Variants in KIF21A observed in about 807,000 individuals in gnomAD.
KIF21A encodes kinesin-like protein KIF21A.
KIF21A carries 114 observed loss-of-function variants against 202.9 expected under a neutral mutation model. The observed-to-expected ratio is 0.56, with a 90% CI of 0.48 to 0.66. The LOEUF (loss-of-function observed/expected upper bound fraction) is 0.66, where lower values mean the gene tolerates loss of function less well. Ranked by LOEUF, KIF21A falls within the 30% of genes least tolerant of loss-of-function variation. The pLI is 0.00. For missense variants in KIF21A, 1,677 were observed against 1,994.9 expected, an observed-to-expected ratio of 0.84 and a Z score of 3.04; for synonymous variants, 667 against 670.8, an observed-to-expected ratio of 0.99 and a Z score of 0.09.
At chr12:39,423,173 G>A (rs1009154518) in intron 1 of KIF21A, among the ~76,000 whole-genome samples, 6 of 152,128 alleles carry the variant, frequency 3.9e-5, no homozygotes, top group African/African-American at 1.2e-4. Flanking sequence ...AACTTAACCT[G>A]CTCATCCCCT....
At chr12:39,305,469 A>C (rs1258327441) in intron 34 of KIF21A, among the ~76,000 whole-genome samples, 1 of 151,684 alleles carries the variant, frequency 6.6e-6, no homozygotes, top group Non-Finnish European at 1.5e-5. Context: ...CTGCAGTCTC[A>C]ATCTCCTGGC....
At chr12:39,415,387 C>T (rs1953486515) in intron 1 of KIF21A, among the ~76,000 whole-genome samples, 1 of 151,626 alleles carries the variant, frequency 6.6e-6, no homozygotes, top group Non-Finnish European at 1.5e-5. Context: ...CTACAGGCGC[C>T]CGCCACCACG....
At chr12:39,301,899 A>T (rs974233825) in intron 36 of KIF21A, among the ~76,000 whole-genome samples, 5 of 152,240 alleles carry the variant, frequency 3.3e-5, no homozygotes, top group Admixed American at 2.6e-4. Context: ...TTATCAGCAT[A>T]TAAGGGCTAT....
At chr12:39,314,524 T>A (rs1761826585) in intron 31 of KIF21A, among the ~76,000 whole-genome samples, 1 of 151,856 alleles carries the variant, frequency 6.6e-6, no homozygotes. Flanking sequence ...TATATGTATA[T>A]ATAGGTCAAA....
intron 1 of KIF21A, among the ~76,000 whole-genome samples, chr12:39,416,631 GTA>G (rs796156140): frequency 0.012 from 1,353 of 114,908 alleles, 101 homozygotes; most frequent in African/African-American, 0.036. Flanking sequence ...ATATATATGT[GTA>G]TATATATATA....
At chr12:39,373,098 A>G (rs1950062955) in intron 1 of KIF21A, among the ~76,000 whole-genome samples, 1 of 152,176 alleles carries the variant, frequency 6.6e-6, no homozygotes. Flanking sequence ...TGTTCCACAC[A>G]CTGTAATATG....
At chr12:39,395,167 C>T (rs1358850781) in intron 1 of KIF21A, among the ~76,000 whole-genome samples, 2 of 152,202 alleles carry the variant, frequency 1.3e-5, no homozygotes, top group African/African-American at 4.8e-5. Flanking sequence ...AACTGCTTTC[C>T]ATAAACCTGC....
intron 11 of KIF21A, among the ~76,000 whole-genome samples, chr12:39,348,356 T>C (rs1429265540): frequency 2.0e-5 from 3 of 152,062 alleles, no homozygotes; most frequent in African/African-American, 7.2e-5. Context: ...GTTATTTTCT[T>C]ACTATCTACA....
intron 1 of KIF21A, among the ~76,000 whole-genome samples, chr12:39,406,552 A>G (rs555031067): frequency 6.6e-6 from 1 of 152,352 alleles, no homozygotes; most frequent in Admixed American, 6.5e-5. Flanking sequence ...GTGAAGGAAC[A>G]AAGCCTGTGT....
At position 39,331,538 on chromosome 12, in the gene KIF21A, C is replaced by A. The variant is rs1213854198; in HGVS notation, c.3153+152G>T. 5 of 642,372 alleles carry A rather than the reference C, an allele frequency of 7.8e-6. No homozygotes were observed. The East Asian group carries it at 1.4e-4, about 19-fold the overall frequency. 39.8% of individuals were successfully genotyped at this position (642,372 alleles called of 1,614,324 possible). ...ATTGATCTAAATATTTCTTACTCTT[C>A]CTGACTCTAAAGAAAGGTAAAAGAA... On this transcript the variant is annotated intron_variant, in intron 22 of 37. Transcript: ENST00000361418.
At chr12:39,295,567 C>G (rs930130675) in intron 37 of KIF21A, among the ~76,000 whole-genome samples, 1 of 152,030 alleles carries the variant, frequency 6.6e-6, no homozygotes, top group African/African-American at 2.4e-5. Flanking sequence ...AGCACACATA[C>G]ATTGATAACA....
At chr12:39,304,981 T>A (rs889069695) in intron 34 of KIF21A, 43 bp from the exon 35 acceptor site, 2 of 926,000 alleles carry the variant, frequency 2.2e-6, no homozygotes, top group African/African-American at 3.3e-5. Flanking sequence ...AATTATTTCT[T>A]AGTATGATGG....
intron 1 of KIF21A, among the ~76,000 whole-genome samples, chr12:39,371,744 A>C (rs1005133733): frequency 6.6e-6 from 1 of 152,150 alleles, no homozygotes; most frequent in Non-Finnish European, 1.5e-5. Context: ...AGCCTGGCCA[A>C]CATGGTGAAA....
intron 1 of KIF21A, among the ~76,000 whole-genome samples, chr12:39,406,876 TATA>T (rs1952633929): frequency 6.6e-6 from 1 of 152,236 alleles, no homozygotes; most frequent in African/African-American, 2.4e-5. Context: ...CTGCTTCTTC[TATA>T]ATACCTCCAA....
At chr12:39,436,450 T>TGTATATATATATATATATATATATA (rs1424166622) in intron 1 of KIF21A, among the ~76,000 whole-genome samples, 1 of 60,828 alleles carries the variant, frequency 1.6e-5, no homozygotes, top group East Asian at 5.4e-4. Context: ...ATATATATAT[T>TGTATATATATATATATATATATATA]TTTTTTTTTT....
At chr12:39,406,850 C>T (rs1182300913) in intron 1 of KIF21A, among the ~76,000 whole-genome samples, 2 of 152,174 alleles carry the variant, frequency 1.3e-5, no homozygotes, top group Admixed American at 6.5e-5. Context: ...ACCCACTCTC[C>T]AAAATAACTA....
chr12:39,431,677 A>G (rs1937929177), intron 1 of KIF21A, among the ~76,000 whole-genome samples: 1 of 152,204 alleles, frequency 6.6e-6, no homozygotes, highest in Admixed American at 6.5e-5. Context: ...GACGTTATAG[A>G]ACACACACTT....
Position 39,340,921 on chromosome 12 carries a change from C to T in KIF21A, c.2095G>A (p.Val699Met), listed in dbSNP as rs192560751. The T allele has an allele frequency of 5.3e-5, 85 of 1,610,296 alleles. No homozygotes were observed. In the Admixed American group the frequency reaches 1.3e-3, roughly 25 times the overall value. Reference sequence around the variant, plus strand: ...TAATTCTTACCTAAGTTTTGAAGCACCTGGTCTCTTTCAAGCTGAGTATCC... The same window carrying T: ...TAATTCTTACCTAAGTTTTGAAGCATCTGGTCTCTTTCAAGCTGAGTATCC... ...IRDTQLERDQVLQNLGSVESY... is the reference protein window; with the variant it reads ...IRDTQLERDQMLQNLGSVESY... Residue 699 changes from valine (V) to methionine (M), a missense_variant, in exon 15 of 38, where the codon GTG (valine) becomes ATG (methionine). Physicochemically the swap from Val to Met is conservative, Grantham distance 21. This residue lies in a region of KIF21A where 966 missense variants were observed against 1,180.9 expected (regional missense o/e 0.82). Coordinates refer to ENST00000361418, the MANE Select transcript of KIF21A (RefSeq NM_001173464.2).
Position 39,298,369 on chromosome 12 carries a change from T to C in KIF21A, c.4931+3111A>G, listed in dbSNP as rs1299509123. 2.0e-5 allele frequency among the ~76,000 whole-genome samples: 3 copies of C among 152,082 alleles called. No homozygotes were observed. The East Asian group carries it at 5.8e-4, about 29-fold the overall frequency. Reference sequence around the variant, plus strand: ...GACTGAATGTTAAGTTGTACATGAGTAGAGTGCAACTATAAGGTCAGACAG... The same window carrying C: ...GACTGAATGTTAAGTTGTACATGAGCAGAGTGCAACTATAAGGTCAGACAG... On this transcript the variant is annotated intron_variant, in intron 37 of 37. Coordinates refer to ENST00000361418, the MANE Select transcript of KIF21A (RefSeq NM_001173464.2).
Sources: allele counts gnomAD v4.1 joint callset (sites outside exome capture counted in the v4.1 genomes callset), GRCh38; gene constraint gnomAD v4.1.1; regional missense constraint gnomAD v4.1.1; transcripts MANE v1.5; gene names NCBI Gene and HGNC (gene_info 2026-07-23, HGNC 2026-07-21).